Variants in HAPSTR1 observed in about 807,000 individuals in gnomAD.
The protein encoded by HAPSTR1 is HUWE1-associated protein modifying stress responses 1.
chr16:9,117,441 T>C, the HAPSTR1 span: 1 of 153,956 alleles, frequency 6.5e-6, no homozygotes, highest in East Asian at 1.9e-4. Flanking sequence ...GTGCCCTGTT[T>C]TTAGTTTTCA....
At chr16:9,103,103 T>G in the HAPSTR1 span, 1 of 1,614,196 alleles carries the variant, frequency 6.2e-7, no homozygotes, top group Non-Finnish European at 8.5e-7. Context: ...TCGAGAAGAT[T>G]TGATCAGCTT....
At chr16:9,108,841 C>G in the HAPSTR1 span, 3 of 152,138 alleles carry the variant, frequency 2.0e-5, no homozygotes, top group Non-Finnish European at 4.4e-5. Flanking sequence ...ACTTACAAGA[C>G]ATTATATTAA....
At chr16:9,102,490 A>G in the HAPSTR1 span, among the ~76,000 whole-genome samples, 1 of 152,286 alleles carries the variant, frequency 6.6e-6, no homozygotes, top group South Asian at 2.1e-4. Flanking sequence ...CCACCATGCT[A>G]TTTGGTTTTA....
the HAPSTR1 span, among the ~76,000 whole-genome samples, chr16:9,097,785 A>G: frequency 1.3e-5 from 2 of 152,230 alleles, no homozygotes; most frequent in African/African-American, 2.4e-5. Flanking sequence ...GCCACTCAGT[A>G]AAGCTTAGAA....
chr16:9,097,170 C>T, the HAPSTR1 span, among the ~76,000 whole-genome samples: 1 of 151,876 alleles, frequency 6.6e-6, no homozygotes, highest in East Asian at 1.9e-4. Context: ...GAACTCCTGA[C>T]CTCAGGTGAT....
the HAPSTR1 span, chr16:9,110,760 G>C: frequency 6.6e-6 from 1 of 152,288 alleles, no homozygotes; most frequent in Non-Finnish European, 1.5e-5. Flanking sequence ...GGTATGGCTG[G>C]GGCAGCATGG....
At chr16:9,116,700 C>T in the HAPSTR1 span, 1 of 1,614,086 alleles carries the variant, frequency 6.2e-7, no homozygotes, top group Non-Finnish European at 8.5e-7. Context: ...TATAAGCGTG[C>T]GTTCGAGTAC....
chr16:9,103,184 C>A, the HAPSTR1 span: 2 of 1,614,140 alleles, frequency 1.2e-6, no homozygotes, highest in South Asian at 1.1e-5. Context: ...GTCCCCTAAC[C>A]GAGCTACTTC....
At chr16:9,105,407 G>A in the HAPSTR1 span, 1 of 152,162 alleles carries the variant, frequency 6.6e-6, no homozygotes, top group Non-Finnish European at 1.5e-5. Flanking sequence ...AGGGCCCCTT[G>A]AAAGAATCTA....
the HAPSTR1 span, chr16:9,103,168 T>G: frequency 2.5e-6 from 4 of 1,614,120 alleles, no homozygotes; most frequent in Non-Finnish European, 1.7e-6. Context: ...CAAGACTGAC[T>G]GTAGTGTCCC....
chr16:9,120,344 A>G, the HAPSTR1 span: 1 of 152,294 alleles, frequency 6.6e-6, no homozygotes, highest in African/African-American at 2.4e-5. Flanking sequence ...TCCCTTTGGA[A>G]TATTTGAGGT....
At chr16:9,092,152 G>C in the HAPSTR1 span, 13 of 1,562,384 alleles carry the variant, frequency 8.3e-6, no homozygotes, top group Middle Eastern at 1.7e-4. Flanking sequence ...AACAGGACGA[G>C]CAGCTGCCCC....
chr16:9,100,973 C>G, the HAPSTR1 span, among the ~76,000 whole-genome samples: 1 of 152,196 alleles, frequency 6.6e-6, no homozygotes. Flanking sequence ...TACCCTCATT[C>G]TCTTCAGAAA....
the HAPSTR1 span, chr16:9,103,362 T>A: frequency 8.0e-7 from 1 of 1,246,248 alleles, no homozygotes; most frequent in Non-Finnish European, 1.1e-6. Flanking sequence ...GTTTTTTGTC[T>A]TACAGTAAAC....
At chr16:9,121,437 C>T in the HAPSTR1 span, 1 of 152,168 alleles carries the variant, frequency 6.6e-6, no homozygotes, top group Non-Finnish European at 1.5e-5. Context: ...TTTATACTTC[C>T]TTTGGCAGAA....
chr16:9,114,618 A>G, the HAPSTR1 span, among the ~76,000 whole-genome samples: 2 of 152,166 alleles, frequency 1.3e-5, no homozygotes, highest in South Asian at 4.1e-4. Context: ...GAGAGCAGGA[A>G]GGGAAGAGAG....
the HAPSTR1 span, chr16:9,119,365 G>A: frequency 8.5e-5 from 13 of 152,300 alleles, no homozygotes; most frequent in Non-Finnish European, 1.6e-4. Flanking sequence ...TTTCTTGAAC[G>A]GTTAAGGGTG....
chr16:9,102,382 T>G, the HAPSTR1 span, among the ~76,000 whole-genome samples: 5 of 152,186 alleles, frequency 3.3e-5, no homozygotes, highest in Non-Finnish European at 2.9e-5. Flanking sequence ...GAGAATTTAG[T>G]CTAGGAGATC....
the HAPSTR1 span, chr16:9,103,027 G>A: frequency 6.2e-7 from 1 of 1,614,128 alleles, no homozygotes. Context: ...TTGGAATTCA[G>A]ATTGGCTATC....
Sources: allele counts gnomAD v4.1 joint callset (sites outside exome capture counted in the v4.1 genomes callset), GRCh38; gene constraint gnomAD v4.1.1; transcripts MANE v1.5; gene names NCBI Gene and HGNC (gene_info 2026-07-23, HGNC 2026-07-21).